Variants in COP1 observed in about 807,000 individuals in gnomAD.
COP1 encodes the protein E3 ubiquitin-protein ligase COP1.
A neutral mutation model predicts 101.3 loss-of-function variants in COP1; 24 were observed. The ratio of observed to expected loss-of-function variants is 0.24; its 90% confidence interval spans 0.17 to 0.33. COP1 has a LOEUF of 0.33. Ranked by LOEUF, COP1 falls within the 10% of genes least tolerant of loss-of-function variation. The probability of loss-of-function intolerance (pLI) is 1.00; values close to 1 mark genes in which losing one functional copy is unlikely to be tolerated. For synonymous variants in COP1, 347 were observed against 341.9 expected (o/e 1.01, Z -0.17); for missense variants, 663 against 906.2 (o/e 0.73, Z 3.45).
At chr1:176,041,968 C>G (rs1057421870) in intron 14 of COP1, among the ~76,000 whole-genome samples, 1 of 152,014 alleles carries the variant, frequency 6.6e-6, no homozygotes, top group Non-Finnish European at 1.5e-5. Flanking sequence ...AAAAATTAGC[C>G]GGACATGGTG....
chr1:176,036,393 C>T (rs1288810693), intron 14 of COP1, among the ~76,000 whole-genome samples: 1 of 150,718 alleles, frequency 6.6e-6, no homozygotes, highest in Admixed American at 6.6e-5. Context: ...CCAAGCTGAC[C>T]TAAATTAATA....
At chr1:176,011,525 A>G (rs1189150007) in intron 15 of COP1, among the ~76,000 whole-genome samples, 3 of 152,184 alleles carry the variant, frequency 2.0e-5, no homozygotes, top group African/African-American at 7.2e-5. Context: ...TCATTAATGT[A>G]CTCCATAAAC....
intron 15 of COP1, among the ~76,000 whole-genome samples, chr1:175,994,134 C>A (rs555130148): frequency 1.9e-4 from 29 of 152,194 alleles, no homozygotes; most frequent in South Asian, 6.2e-4. Flanking sequence ...ATTTCATATC[C>A]AGCCAAACTA....
At chr1:176,056,560 G>C (rs971081300) in intron 11 of COP1, among the ~76,000 whole-genome samples, 2 of 152,084 alleles carry the variant, frequency 1.3e-5, no homozygotes, top group African/African-American at 4.8e-5. Context: ...ATGCTTTCTA[G>C]CCTGAATTAA....
intron 2 of COP1, among the ~76,000 whole-genome samples, chr1:176,182,223 C>T (rs965589904): frequency 6.6e-5 from 10 of 151,992 alleles, no homozygotes; most frequent in South Asian, 2.1e-4. Flanking sequence ...ACTTTTAAAT[C>T]CATAAAAAGA....
At chr1:176,054,595 T>C (rs2149254933) in intron 11 of COP1, among the ~76,000 whole-genome samples, 1 of 152,206 alleles carries the variant, frequency 6.6e-6, no homozygotes, top group East Asian at 1.9e-4. Flanking sequence ...CTGTGGTCTT[T>C]CTTGTCATTC....
chr1:176,095,139 A>G (rs532117293), intron 9 of COP1, among the ~76,000 whole-genome samples: 1 of 152,352 alleles, frequency 6.6e-6, no homozygotes, highest in Admixed American at 6.5e-5. Flanking sequence ...AACTATCATT[A>G]TTTACACAAT....
chr1:175,965,578 G>GTTT (rs1651911620), intron 18 of COP1, among the ~76,000 whole-genome samples: 1 of 61,538 alleles, frequency 1.6e-5, no homozygotes, highest in African/African-American at 4.7e-5. Context: ...TTTTTTTTTT[G>GTTT]TTTTGTTTTT....
intron 15 of COP1, among the ~76,000 whole-genome samples, chr1:176,003,809 G>A (rs977948549): frequency 7.3e-4 from 111 of 151,584 alleles, no homozygotes; most frequent in Non-Finnish European, 1.5e-3. Context: ...TGTTCTTTTG[G>A]CTTAGGATTG....
chr1:176,049,919 T>TAAAC (rs1672248795), intron 11 of COP1, among the ~76,000 whole-genome samples: 1 of 152,152 alleles, frequency 6.6e-6, no homozygotes, highest in African/African-American at 2.4e-5. Context: ...AAATAAAAGG[T>TAAAC]AAACTAATTA....
intron 11 of COP1, among the ~76,000 whole-genome samples, chr1:176,048,286 G>A (rs1671871135): frequency 7.0e-6 from 1 of 143,252 alleles, no homozygotes; most frequent in African/African-American, 2.6e-5. Context: ...TCCCACCTCA[G>A]CCTCCCAAAG....
rs367808508 is a variant in COP1, at chr1:176,105,747, AAC to A, written c.1026+10875_1026+10876del. Reference sequence around the variant, plus strand: ...GAGTCAGGGAGTTGTTTTGGCGCAAAACACATCAGTTGGTCAGCATTGTTTAG... The same window carrying A: ...GAGTCAGGGAGTTGTTTTGGCGCAAAACATCAGTTGGTCAGCATTGTTTAG... On this transcript the variant is annotated intron_variant, in intron 9 of 19. Coordinates refer to ENST00000367669, the MANE Select transcript of COP1 (RefSeq NM_022457.7). Among the ~76,000 whole-genome samples, 146 of 152,326 alleles carry A rather than the reference AAC, an allele frequency of 9.6e-4. No homozygotes were observed. The Middle Eastern group carries it at 0.014, about 14-fold the overall frequency.
intron 1 of COP1, among the ~76,000 whole-genome samples, chr1:176,190,135 TC>T (rs1464903854): frequency 1.3e-5 from 2 of 152,092 alleles, no homozygotes; most frequent in African/African-American, 4.8e-5. Context: ...ATATCCATCA[TC>T]CAAAATGGTT....
chr1:176,167,049 G>T (rs1347928674), intron 3 of COP1, among the ~76,000 whole-genome samples: 1 of 152,104 alleles, frequency 6.6e-6, no homozygotes, highest in African/African-American at 2.4e-5. Flanking sequence ...TCCTCATCAA[G>T]GGGTATTTTA....
At chr1:176,098,403 G>A (rs935897042) in intron 9 of COP1, among the ~76,000 whole-genome samples, 1 of 152,208 alleles carries the variant, frequency 6.6e-6, no homozygotes, top group Admixed American at 6.5e-5. Context: ...TTTGCCTAGG[G>A]TCTAAGGATT....
At chr1:175,954,847 A>G (rs560915091) in intron 18 of COP1, among the ~76,000 whole-genome samples, 79 of 152,308 alleles carry the variant, frequency 5.2e-4, no homozygotes, top group South Asian at 8.3e-4. Context: ...AGTAAAGATA[A>G]TTCAGTCATA....
chr1:176,051,232 A>T (rs1672502635), intron 11 of COP1, among the ~76,000 whole-genome samples: 1 of 152,220 alleles, frequency 6.6e-6, no homozygotes, highest in Non-Finnish European at 1.5e-5. Context: ...CAGCCATCAA[A>T]TGTCCAGAGT....
intron 11 of COP1, among the ~76,000 whole-genome samples, chr1:176,050,723 A>G (rs1275797384): frequency 2.0e-5 from 3 of 152,360 alleles, no homozygotes; most frequent in Admixed American, 6.5e-5. Context: ...CATAACATAC[A>G]TAACACTTGA....
intron 1 of COP1, among the ~76,000 whole-genome samples, chr1:176,202,931 C>T (rs1022827163): frequency 2.6e-5 from 4 of 152,054 alleles, no homozygotes; most frequent in African/African-American, 7.2e-5. Flanking sequence ...ATCATGAGCT[C>T]CTTAAGAAGA....
Sources: gnomAD v4.1 joint callset for allele counts (sites outside exome capture counted in the v4.1 genomes callset) on GRCh38, gnomAD v4.1.1 for gene constraint, MANE v1.5 for transcripts, NCBI Gene and HGNC (gene_info 2026-07-23, HGNC 2026-07-21) for gene names.